The following KIAA1328 variants were observed in gnomAD, a reference collection of about 807,000 sequenced individuals.
The protein encoded by KIAA1328 is protein hinderin.
KIAA1328 carries 52 observed loss-of-function variants against 68.1 expected under a neutral mutation model. The observed-to-expected ratio is 0.76, with a 90% CI of 0.61 to 0.96. The LOEUF is 0.96. Among genes scored for constraint, KIAA1328 ranks in the 40% least tolerant of loss-of-function variants. The pLI is 0.00. For missense variants in KIAA1328, 641 were observed against 677.6 expected (o/e 0.95, Z 0.60); for synonymous variants, 232 against 239.4 (o/e 0.97, Z 0.28).
chr18:36,859,922 TC>T (rs1430603271), intron 4 of KIAA1328, among the ~76,000 whole-genome samples: 1 of 145,560 alleles, frequency 6.9e-6, no homozygotes, highest in African/African-American at 2.5e-5. Context: ...GATTTTCATT[TC>T]CTTTTTTTTT....
chr18:37,024,446 T>C (rs572555638), intron 6 of KIAA1328, among the ~76,000 whole-genome samples: 1 of 151,802 alleles, frequency 6.6e-6, no homozygotes, highest in African/African-American at 2.4e-5. Flanking sequence ...GTTAAATATG[T>C]ATACATGTGC....
At chr18:37,184,255 A>G (rs551773935) in intron 9 of KIAA1328, among the ~76,000 whole-genome samples, 258 of 152,182 alleles carry the variant, frequency 1.7e-3, no homozygotes, top group Non-Finnish European at 3.0e-3. Flanking sequence ...ACTTCCTTGT[A>G]TTTTCTCCTA....
At chr18:36,839,912 C>G (rs1181107752) in intron 3 of KIAA1328, among the ~76,000 whole-genome samples, 1 of 152,092 alleles carries the variant, frequency 6.6e-6, no homozygotes, top group East Asian at 1.9e-4. Flanking sequence ...GGGCTCTTTC[C>G]CCGGGATGAG....
At position 37,053,986 on chromosome 18, in the gene KIAA1328, G is replaced by A. The variant is rs533331241; in HGVS notation, c.577-12904G>A. On this transcript the variant is annotated intron_variant, in intron 6 of 9. Coordinates refer to ENST00000280020, the MANE Select transcript of KIAA1328 (RefSeq NM_020776.3). Reference sequence around the variant, plus strand: ...AAGAAAAAAAAAAAAACATTAAAAAGTAGGCAAACGACATGAACAGACACT... The same window carrying A: ...AAGAAAAAAAAAAAAACATTAAAAAATAGGCAAACGACATGAACAGACACT... Among the ~76,000 whole-genome samples, 5 of 150,150 alleles carry A rather than the reference G, an allele frequency of 3.3e-5. No homozygotes were observed. The South Asian group carries it at 6.3e-4, about 19-fold the overall frequency.
chr18:37,177,038 T>A (rs764685915), intron 9 of KIAA1328, among the ~76,000 whole-genome samples: 40 of 152,366 alleles, frequency 2.6e-4, no homozygotes, highest in Non-Finnish European at 5.0e-4. Flanking sequence ...AAATAGCCTT[T>A]CTAATTGTAC....
intron 5 of KIAA1328, chr18:36,946,599 G>C (rs1410379829): frequency 6.6e-6 from 1 of 152,158 alleles, no homozygotes; most frequent in Non-Finnish European, 1.5e-5. Flanking sequence ...CTCACTGCTA[G>C]GTTATCCTTG....
intron 7 of KIAA1328, among the ~76,000 whole-genome samples, chr18:37,107,147 C>T (rs754790215): frequency 6.6e-6 from 1 of 152,154 alleles, no homozygotes; most frequent in African/African-American, 2.4e-5. Flanking sequence ...GAGGCTGAGA[C>T]AGGAGAATGG....
intron 7 of KIAA1328, among the ~76,000 whole-genome samples, chr18:37,098,565 G>A (rs1033215158): frequency 1.3e-5 from 2 of 152,076 alleles, no homozygotes; most frequent in Admixed American, 1.3e-4. Flanking sequence ...CCAGGCTTTG[G>A]TACCAGGATG....
chr18:36,968,080 T>C (rs2052017669), intron 6 of KIAA1328, among the ~76,000 whole-genome samples: 2 of 151,902 alleles, frequency 1.3e-5, no homozygotes, highest in African/African-American at 4.8e-5. Flanking sequence ...CCAGACCTGG[T>C]ACCTGGTACC....
intron 7 of KIAA1328, among the ~76,000 whole-genome samples, chr18:37,072,692 C>G (rs1400310268): frequency 2.6e-5 from 4 of 152,028 alleles, no homozygotes; most frequent in Admixed American, 2.6e-4. Flanking sequence ...GCAGAGCGTA[C>G]AGGTTTATTA....
chr18:37,064,536 ACC>A (rs35629735), intron 6 of KIAA1328, among the ~76,000 whole-genome samples: 4 of 116,354 alleles, frequency 3.4e-5, no homozygotes, highest in Non-Finnish European at 5.3e-5. Flanking sequence ...GACTGAAAGT[ACC>A]CCCCCCCCCA....
At chr18:36,895,624 C>A in intron 5 of KIAA1328, 1 of 343,582 alleles carries the variant, frequency 2.9e-6, no homozygotes, top group Non-Finnish European at 5.9e-6. Context: ...CCTTTGCCTG[C>A]TATTCTGGGC....
At position 37,046,810 on chromosome 18, in the gene KIAA1328, G is replaced by C. The variant is rs1047207649; in HGVS notation, c.577-20080G>C. On this transcript the variant is annotated intron_variant, in intron 6 of 9. Coordinates refer to ENST00000280020, the MANE Select transcript of KIAA1328 (RefSeq NM_020776.3). ...GTACTTAATCTACAAATTTTAGAAA[G>C]GTTGTTGGTGCCTGATTTTTACATA... is the stretch of plus-strand genomic sequence containing the variant. Among the ~76,000 whole-genome samples, 3 of 152,196 alleles carry C rather than the reference G, an allele frequency of 2.0e-5. No individual in the cohort carries two copies. The South Asian group carries it at 6.2e-4, about 31-fold the overall frequency.
At chr18:36,830,905 A>G (rs1319789074) in intron 1 of KIAA1328, among the ~76,000 whole-genome samples, 3 of 152,236 alleles carry the variant, frequency 2.0e-5, no homozygotes, top group Non-Finnish European at 2.9e-5. Context: ...CCCTCAGACT[A>G]TTCCACGTAA....
At chr18:36,952,653 T>A (rs889193822) in intron 5 of KIAA1328, among the ~76,000 whole-genome samples, 1 of 152,218 alleles carries the variant, frequency 6.6e-6, no homozygotes, top group Non-Finnish European at 1.5e-5. Context: ...TCCACAGTAC[T>A]GCCTTTGTAC....
intron 7 of KIAA1328, among the ~76,000 whole-genome samples, chr18:37,076,915 A>G (rs1466598366): frequency 6.6e-6 from 1 of 152,170 alleles, no homozygotes; most frequent in Non-Finnish European, 1.5e-5. Context: ...ACAAGGAGGA[A>G]CTGGTACCAT....
intron 5 of KIAA1328, among the ~76,000 whole-genome samples, chr18:36,913,781 A>G (rs1485647255): frequency 1.3e-5 from 2 of 152,118 alleles, no homozygotes; most frequent in Non-Finnish European, 1.5e-5. Flanking sequence ...AAATAAATAT[A>G]ATTTTCTTTT....
chr18:37,214,581 CG>C (rs1444602855), intron 9 of KIAA1328, among the ~76,000 whole-genome samples: 1 of 152,142 alleles, frequency 6.6e-6, no homozygotes, highest in African/African-American at 2.4e-5. Flanking sequence ...AGTCAGGTAT[CG>C]TGATGCCTCC....
chr18:36,878,652 A>G (rs2048224747), intron 4 of KIAA1328, among the ~76,000 whole-genome samples: 1 of 152,136 alleles, frequency 6.6e-6, no homozygotes, highest in Admixed American at 6.5e-5. Flanking sequence ...AGGTACACCA[A>G]TCAAATGTAG....
Sources: allele counts gnomAD v4.1 joint callset (sites outside exome capture counted in the v4.1 genomes callset), GRCh38; gene constraint gnomAD v4.1.1; transcripts MANE v1.5; gene names NCBI Gene and HGNC (gene_info 2026-07-23, HGNC 2026-07-21).